Variants in TEX9 observed in about 807,000 individuals in gnomAD.
The protein encoded by TEX9 is testis expressed 9.
In TEX9, 74 loss-of-function variants were observed where a neutral mutation model predicts 59.6. The observed-to-expected ratio is 1.24, with a 90% CI of 1.03 to 1.51. The LOEUF (loss-of-function observed/expected upper bound fraction) is 1.51, where lower values mean the gene tolerates loss of function less well. Ranked by LOEUF, TEX9 falls within the 40% of genes most tolerant of loss-of-function variation. The pLI, the probability that TEX9 is intolerant of heterozygous loss-of-function variation, is 0.00. For missense variants in TEX9, 522 were observed against 447.8 expected, an observed-to-expected ratio of 1.17 and a Z score of -1.49; for synonymous variants, 186 against 152.2, an observed-to-expected ratio of 1.22 and a Z score of -1.64.
chr15:56,424,880 C>G (rs1157131971), intron 10 of TEX9, among the ~76,000 whole-genome samples: 1 of 152,038 alleles, frequency 6.6e-6, no homozygotes, highest in African/African-American at 2.4e-5. Flanking sequence ...GAATTATTGT[C>G]TAGTATCCTT....
intron 1 of TEX9, among the ~76,000 whole-genome samples, chr15:56,339,036 C>T (rs1410438578): frequency 6.6e-6 from 1 of 151,986 alleles, no homozygotes; most frequent in Non-Finnish European, 1.5e-5. Flanking sequence ...TCATAATGTT[C>T]TGTGGGAGGG....
In TEX9 at chr15:56,394,182, C is replaced by G; in HGVS notation, c.589C>G (p.Leu197Val). The change falls in exon 8 of 13, where the codon CTA becomes GTA. Residue 197 changes from leucine to valine, a missense_variant. Physicochemically the swap from Leu to Val is conservative, Grantham distance 32. Transcript: ENST00000352903. The stretch of plus-strand genomic sequence containing the variant: ...ATTCACAGAAGCACAGATCAGATTT[C>G]TAAAGGCCAAACTCCATGTTATGCA... 1.2e-6 allele frequency: 2 copies of G among 1,607,652 alleles called. No homozygotes were observed. Among genetic ancestry groups the G allele is most frequent in the Non-Finnish European group, 8.5e-7 (1 of 1,177,388 alleles).
At chr15:56,254,992 A>G (rs1341683762) in intron 1 of TEX9, among the ~76,000 whole-genome samples, 2 of 152,046 alleles carry the variant, frequency 1.3e-5, no homozygotes, top group African/African-American at 4.8e-5. Flanking sequence ...TCCAAGAAAG[A>G]TGAAGGTGAA....
intron 9 of TEX9, chr15:56,409,799 C>A (rs1003050410): frequency 6.6e-6 from 1 of 152,228 alleles, no homozygotes; most frequent in African/African-American, 2.4e-5. Context: ...GCCTGGCCTC[C>A]CTAAGATTTT....
intron 1 of TEX9, among the ~76,000 whole-genome samples, chr15:56,314,950 T>G (rs1596082562): frequency 4.0e-5 from 6 of 151,732 alleles, no homozygotes; most frequent in Admixed American, 3.9e-4. Context: ...AAAGTCTGTT[T>G]TATCAGAGAC....
At chr15:56,439,868 A>G (rs1023882341) in intron 12 of TEX9, among the ~76,000 whole-genome samples, 63 of 152,152 alleles carry the variant, frequency 4.1e-4, no homozygotes, top group African/African-American at 1.5e-3. Context: ...CACAGAAAGC[A>G]TGATCCATAA....
chr15:56,370,120 C>T lies in TEX9; in HGVS notation c.120-3321C>T, dbSNP rs150622674. ...TTACATAACTTGAAGTTGTCTTAGC[C>T]ACCTTATTTTTTATATTTTCTATTA... is the stretch of plus-strand genomic sequence containing the variant. On this transcript the variant is annotated intron_variant, in intron 2 of 12. Transcript: ENST00000352903. Among the ~76,000 whole-genome samples, 415 of 152,024 alleles carry T rather than the reference C, an allele frequency of 2.7e-3. 4 individuals are homozygous for T. The highest frequency in any genetic ancestry group is 9.5e-3 in the African/African-American group (395 of 41,472).
intron 1 of TEX9, among the ~76,000 whole-genome samples, chr15:56,310,844 C>T (rs370692645): frequency 1.8e-4 from 27 of 152,264 alleles, no homozygotes; most frequent in African/African-American, 6.0e-4. Context: ...CCTTCAGTGG[C>T]GCAACCCTGA....
At chr15:56,342,858 G>C (rs908387029) in intron 1 of TEX9, among the ~76,000 whole-genome samples, 6 of 152,110 alleles carry the variant, frequency 3.9e-5, no homozygotes, top group Non-Finnish European at 7.4e-5. Context: ...TTTCCTAATG[G>C]GGTAAACTCC....
Position 56,407,948 on chromosome 15 carries a change from C to G in TEX9, c.829-4354C>G, listed in dbSNP as rs374556610. On this transcript the variant is annotated intron_variant, in intron 9 of 12. Transcript: ENST00000352903. ...ACTTGTGCACTGGATTCTATATACT[C>G]TCTTCTACTCAAGGTCTCTGCACTG... is the stretch of plus-strand genomic sequence containing the variant. Among the ~76,000 whole-genome samples the G allele has an allele frequency of 3.9e-5, 6 of 152,304 alleles. No individual in the cohort carries two copies. The East Asian group carries it at 9.6e-4, about 24-fold the overall frequency.
chr15:56,246,376 G>C (rs1158375490), intron 1 of TEX9, among the ~76,000 whole-genome samples: 1 of 152,184 alleles, frequency 6.6e-6, no homozygotes, highest in Non-Finnish European at 1.5e-5. Context: ...CTTTCAGGGA[G>C]GAAAGGGGCA....
chr15:56,444,331 T>C (rs755349066), intron 12 of TEX9: 17 of 801,048 alleles, frequency 2.1e-5, no homozygotes, highest in Non-Finnish European at 3.3e-5. Flanking sequence ...TAGTATTTAT[T>C]GAGCACTTAC....
At chr15:56,369,977 T>TAA (rs2047118666) in intron 2 of TEX9, among the ~76,000 whole-genome samples, 1 of 152,228 alleles carries the variant, frequency 6.6e-6, no homozygotes, top group Non-Finnish European at 1.5e-5. Context: ...GCAGTGTCTA[T>TAA]CTTTCTTCAT....
At chr15:56,252,402 G>A in intron 1 of TEX9, among the ~76,000 whole-genome samples, 1 of 55,152 alleles carries the variant, frequency 1.8e-5, no homozygotes, top group Non-Finnish European at 4.0e-5. Flanking sequence ...TTTTGTCCAG[G>A]CCACAAAATA....
intron 1 of TEX9, chr15:56,274,703 T>C (rs1477825904): frequency 6.6e-6 from 1 of 152,062 alleles, no homozygotes; most frequent in African/African-American, 2.4e-5. Flanking sequence ...GTAGTATTTA[T>C]GCCTGAAAAT....
chr15:56,251,471 A>G (rs1262189214), intron 1 of TEX9, among the ~76,000 whole-genome samples: 1 of 152,144 alleles, frequency 6.6e-6, no homozygotes, highest in African/African-American at 2.4e-5. Context: ...TGACTCAATA[A>G]AACCTTTGCC....
intron 1 of TEX9, among the ~76,000 whole-genome samples, chr15:56,358,339 GT>G (rs34048615): frequency 5.1e-4 from 73 of 144,390 alleles, no homozygotes; most frequent in African/African-American, 7.4e-4. Flanking sequence ...GCATAGATAA[GT>G]TTTTTTTTTT....
At chr15:56,376,906 A>G (rs546466471) in intron 3 of TEX9, among the ~76,000 whole-genome samples, 3 of 152,292 alleles carry the variant, frequency 2.0e-5, no homozygotes, top group Admixed American at 6.5e-5. Context: ...TAAGTCTTCA[A>G]TACATTTTGA....
chr15:56,361,238 T>G (rs1189345902), upstream of TEX9, among the ~76,000 whole-genome samples: 1 of 152,210 alleles, frequency 6.6e-6, no homozygotes, highest in Non-Finnish European at 1.5e-5. Context: ...ATGTTTATTG[T>G]TACTTTTCTT....
Sources: allele counts gnomAD v4.1 joint callset (sites outside exome capture counted in the v4.1 genomes callset), GRCh38; gene constraint gnomAD v4.1.1; transcripts MANE v1.5; gene names NCBI Gene and HGNC (gene_info 2026-07-23, HGNC 2026-07-21).